SH3PXD2A: variants seen among roughly 807,000 people sequenced by gnomAD.
The protein encoded by SH3PXD2A is SH3 and PX domain-containing protein 2A.
SH3PXD2A carries 32 observed loss-of-function variants against 115.2 expected under a neutral mutation model. The observed-to-expected ratio is 0.28, with a 90% CI of 0.21 to 0.37. SH3PXD2A has a LOEUF of 0.37. SH3PXD2A is among the 10% of genes least tolerant of loss of function. The probability of loss-of-function intolerance (pLI) is 1.00; values close to 1 mark genes in which losing one functional copy is unlikely to be tolerated. For synonymous variants in SH3PXD2A, 610 were observed against 629.1 expected, an observed-to-expected ratio of 0.97 and a Z score of 0.45; for missense variants, 1,328 against 1,498.7, an observed-to-expected ratio of 0.89 and a Z score of 1.88.
intron 1 of SH3PXD2A, among the ~76,000 whole-genome samples, chr10:103,804,543 C>T (rs1442575223): frequency 1.3e-5 from 2 of 151,786 alleles, no homozygotes; most frequent in African/African-American, 2.4e-5. Context: ...AGGATGGTCT[C>T]GATCTTCTCA....
intron 6 of SH3PXD2A, among the ~76,000 whole-genome samples, chr10:103,672,988 G>A (rs2037484218): frequency 6.6e-6 from 1 of 152,166 alleles, no homozygotes; most frequent in Admixed American, 6.5e-5. Context: ...GGGACCCAAA[G>A]GTACTTAGAT....
chr10:103,661,263 C>T, intron 7 of SH3PXD2A, 149 bp from the exon 8 acceptor site: 7 of 968,256 alleles, frequency 7.2e-6, no homozygotes, highest in Non-Finnish European at 1.0e-5. Flanking sequence ...TCGCAGCTCA[C>T]AGGGCGCCAA....
At chr10:103,654,555 C>T (rs1413143977) in intron 8 of SH3PXD2A, among the ~76,000 whole-genome samples, 1 of 152,128 alleles carries the variant, frequency 6.6e-6, no homozygotes, top group East Asian at 1.9e-4. Context: ...CTGCATGAAG[C>T]ACTAACTTTC....
rs1466188186 is a variant in SH3PXD2A, at chr10:103,784,691, C to A, written c.153+16591G>T. Among the ~76,000 whole-genome samples, 1 of 149,806 alleles carries A rather than the reference C, an allele frequency of 6.7e-6. No individual in the cohort carries two copies. The highest frequency in any genetic ancestry group is 1.5e-5 in the Non-Finnish European group (1 of 67,708). On this transcript the variant is annotated intron_variant, in intron 2 of 14. Coordinates refer to ENST00000369774, the MANE Select transcript of SH3PXD2A (RefSeq NM_001394015.1). This position sits in a 1 kb window ranked among gnomAD's most constrained non-coding sequence, Gnocchi z 4.4. ...AAACTCGGGGGGTGCAGTGAGGAGG[C>A]AGGAGGATGGGTCTGCTGGGGTGGA... is the stretch of plus-strand genomic sequence containing the variant.
At chr10:103,714,155 C>A (rs573660256) in intron 5 of SH3PXD2A, among the ~76,000 whole-genome samples, 1 of 152,298 alleles carries the variant, frequency 6.6e-6, no homozygotes, top group African/African-American at 2.4e-5. Flanking sequence ...ACCTTGAACA[C>A]AACATAACAG....
intron 2 of SH3PXD2A, among the ~76,000 whole-genome samples, chr10:103,795,647 A>G (rs1048860062): frequency 2.6e-5 from 4 of 152,198 alleles, no homozygotes; most frequent in African/African-American, 4.8e-5. Context: ...TTTCCCTATA[A>G]TATGTCTATG....
chr10:103,724,369 G>GAGAC lies in SH3PXD2A; in HGVS notation c.307-12_307-9dup. 1 of 1,550,126 alleles carries GAGAC rather than the reference G, an allele frequency of 6.5e-7. No individual in the cohort carries two copies. The highest frequency in any genetic ancestry group is 8.8e-7 in the Non-Finnish European group (1 of 1,141,758). On this transcript the variant is annotated splice_polypyrimidine_tract_variant and intron_variant, in intron 4 of 14. Coordinates refer to ENST00000369774, the MANE Select transcript of SH3PXD2A (RefSeq NM_001394015.1). ...GGGCAGCCGGACAAGTGCCTGTGGA[G>GAGAC]AGACAGGAAGAAAGGGCATTAGGTG...
At chr10:103,750,242 T>TG (rs1000511928) in intron 3 of SH3PXD2A, among the ~76,000 whole-genome samples, 9 of 152,064 alleles carry the variant, frequency 5.9e-5, no homozygotes, top group Admixed American at 5.9e-4. Flanking sequence ...CTTGTAGAGA[T>TG]GGGGGTCTCT....
At chr10:103,668,758 G>T in intron 6 of SH3PXD2A, 106 bp from the exon 7 acceptor site, 2 of 1,008,830 alleles carry the variant, frequency 2.0e-6, no homozygotes, top group African/African-American at 1.6e-5. Flanking sequence ...CGCCGCGCTC[G>T]GCCAGCCGCG....
chr10:103,724,446 T>C, intron 4 of SH3PXD2A, 85 bp from the exon 5 acceptor site: 1 of 734,366 alleles, frequency 1.4e-6, no homozygotes, highest in Non-Finnish European at 2.2e-6. Flanking sequence ...ACACCAACAG[T>C]GACAGAGAGG....
intron 5 of SH3PXD2A, among the ~76,000 whole-genome samples, chr10:103,694,165 G>A (rs951989139): frequency 2.0e-5 from 3 of 152,152 alleles, no homozygotes; most frequent in East Asian, 3.9e-4. Flanking sequence ...GGCTCTCTCC[G>A]GAGTCCGAAG....
At chr10:103,608,637 A>C (rs1448307306) in intron 13 of SH3PXD2A, 1 of 104,354 alleles carries the variant, frequency 9.6e-6, no homozygotes, top group Non-Finnish European at 1.9e-5. Context: ...CTATTCTTTA[A>C]AAAAAAAAAA....
chr10:103,779,091 T>G (rs1476847153), intron 2 of SH3PXD2A, among the ~76,000 whole-genome samples: 1 of 152,122 alleles, frequency 6.6e-6, no homozygotes, highest in Non-Finnish European at 1.5e-5. Flanking sequence ...GTTTTTGAGA[T>G]GGAGTCTTGC....
rs756841181 is a variant in SH3PXD2A, at chr10:103,603,505, C to T, written c.1713G>A (p.Leu571=). The T allele has an allele frequency of 1.9e-6, 3 of 1,611,738 alleles. No homozygotes were observed. The highest frequency in any genetic ancestry group is 1.1e-5 in the South Asian group (1 of 90,756). Residue 571 remains leucine (L), a synonymous_variant, in exon 15 of 15, where the codon CTG becomes CTA. Transcript: ENST00000369774. ...PAFGFDSEPE[L]SEEPVEDRAS... The stretch of plus-strand genomic sequence containing the variant: ...CTCTGTCCTCCACGGGCTCCTCGCT[C>T]AGCTCAGGCTCTGAGTCAAAGCCGA...
intron 9 of SH3PXD2A, among the ~76,000 whole-genome samples, chr10:103,625,549 A>C (rs538292576): frequency 6.6e-6 from 1 of 152,322 alleles, no homozygotes; most frequent in East Asian, 1.9e-4. Context: ...AGCATCTGGT[A>C]CTTTGTGAGC....
chr10:103,606,801 A>G (rs1328420619), intron 13 of SH3PXD2A, among the ~76,000 whole-genome samples: 1 of 152,114 alleles, frequency 6.6e-6, no homozygotes, highest in Non-Finnish European at 1.5e-5. Flanking sequence ...TCAGTGCTCA[A>G]TGGTGCCCAG....
intron 7 of SH3PXD2A, among the ~76,000 whole-genome samples, chr10:103,667,544 G>C (rs971140814): frequency 1.3e-5 from 2 of 152,222 alleles, no homozygotes; most frequent in African/African-American, 4.8e-5. Context: ...TCCAGAAGGA[G>C]ATTGCAACGC....
chr10:103,758,308 C>T (rs1313375969), intron 3 of SH3PXD2A, among the ~76,000 whole-genome samples: 1 of 152,228 alleles, frequency 6.6e-6, no homozygotes, highest in Non-Finnish European at 1.5e-5. Flanking sequence ...AAGCCTGGCA[C>T]CCCTGGGCCC....
intron 1 of SH3PXD2A, among the ~76,000 whole-genome samples, chr10:103,814,135 C>T (rs1305449001): frequency 4.6e-5 from 7 of 151,674 alleles, no homozygotes; most frequent in Admixed American, 4.6e-4. Flanking sequence ...GGTGCTTTTT[C>T]TCAAAGTTCT....
Sources: allele counts gnomAD v4.1 joint callset (sites outside exome capture counted in the v4.1 genomes callset), GRCh38; gene constraint gnomAD v4.1.1; non-coding constraint Gnocchi (gnomAD v3.1); transcripts MANE v1.5; gene names NCBI Gene and HGNC (gene_info 2026-07-23, HGNC 2026-07-21).